Variants in FN1 observed in about 807,000 individuals in gnomAD.
The protein encoded by FN1 is fibronectin 1.
Under a neutral mutation model 297.3 loss-of-function variants are expected in FN1, and 106 were observed. The ratio of observed to expected loss-of-function variants is 0.36; its 90% CI spans 0.30 to 0.42. FN1 has a LOEUF of 0.42. Ranked by LOEUF, FN1 falls within the 10% of genes least tolerant of loss-of-function variation. The pLI is 1.00. For synonymous variants in FN1, 1,149 were observed against 1,152.6 expected, an observed-to-expected ratio of 1.00 and a Z score of 0.06; for missense variants, 2,690 against 3,124.9, an observed-to-expected ratio of 0.86 and a Z score of 3.32.
intron 19 of FN1, among the ~76,000 whole-genome samples, chr2:215,404,895 C>T (rs941585682): frequency 6.6e-6 from 1 of 152,114 alleles, no homozygotes; most frequent in African/African-American, 2.4e-5. Context: ...TTTGGGAAGT[C>T]TAATTTTCCA....
chr2:215,381,456 T>A, intron 32 of FN1: 3 of 327,926 alleles, frequency 9.1e-6, no homozygotes, highest in South Asian at 8.3e-5. Flanking sequence ...AATGTCAGAT[T>A]CAAATTGTTA....
intron 31 of FN1, among the ~76,000 whole-genome samples, chr2:215,382,960 C>T (rs2058414414): frequency 1.3e-5 from 2 of 151,844 alleles, no homozygotes; most frequent in Non-Finnish European, 2.9e-5. Flanking sequence ...ATTAGGTGGT[C>T]CTACCCCATC....
intron 11 of FN1, among the ~76,000 whole-genome samples, 155 bp downstream of exon 11, chr2:215,420,518 C>T (rs1055063191): frequency 6.6e-6 from 1 of 152,034 alleles, no homozygotes; most frequent in East Asian, 1.9e-4. Context: ...TATTTTGGTC[C>T]AGTATTAGAG....
intron 6 of FN1, among the ~76,000 whole-genome samples, chr2:215,426,248 A>C (rs959776438): frequency 3.5e-5 from 5 of 143,302 alleles, no homozygotes; most frequent in African/African-American, 1.3e-4. Context: ...TCCCGGGTTC[A>C]CGCCATTCTC....
intron 22 of FN1, 100 bp downstream of exon 22, chr2:215,397,580 T>C (rs1575534704): frequency 5.9e-6 from 5 of 852,426 alleles, no homozygotes; most frequent in Non-Finnish European, 7.6e-6. Context: ...ATATCTCCCC[T>C]GTGCCATTCT....
chr2:215,418,860 T>C (rs1419731138), intron 12 of FN1, among the ~76,000 whole-genome samples: 1 of 152,228 alleles, frequency 6.6e-6, no homozygotes, highest in African/African-American at 2.4e-5. Context: ...ATGCCATCTC[T>C]CTATGCAGCT....
chr2:215,370,123 G>A (rs1307575409), intron 41 of FN1, among the ~76,000 whole-genome samples, 171 bp downstream of exon 41: 1 of 152,188 alleles, frequency 6.6e-6, no homozygotes, highest in Non-Finnish European at 1.5e-5. Context: ...ATGGCAGGAG[G>A]TGGGGGAGAG....
intron 3 of FN1, 113 bp downstream of exon 3, chr2:215,433,211 G>T: frequency 7.3e-7 from 1 of 1,365,830 alleles, no homozygotes; most frequent in Non-Finnish European, 1.0e-6. Flanking sequence ...GTCACCAGGG[G>T]CAAACCTCAA....
chr2:215,362,489 CAG>C (rs2053661803), intron 44 of FN1: 1 of 251,154 alleles, frequency 4.0e-6, no homozygotes. Flanking sequence ...GGTAAGGAAA[CAG>C]AGACCCAGAG....
chr2:215,383,438 T>C lies in FN1; in HGVS notation c.4940A>G (p.Asn1647Ser), dbSNP rs1202048453. The change falls in exon 31 of 46, where the codon AAC becomes AGC. Residue 1647 changes from asparagine to serine, a missense_variant. This residue lies in a region of FN1 where 1,743 missense variants were observed against 1,945.2 expected (regional missense o/e 0.90). Transcript: ENST00000354785. ...AGGCAGCCACTTGACACTAATGCTG[T>C]TGTCCTGAACATCGGTCACTTGCAT... ...SQMQVTDVQD[N>S]SISVKWLPSS... 6.2e-7 allele frequency: 1 copy of C among 1,614,022 alleles called. No individual in the cohort carries two copies. The highest frequency in any genetic ancestry group is 1.7e-5 in the Admixed American group (1 of 59,996).
intron 32 of FN1, 68 bp from the exon 33 acceptor site, chr2:215,381,148 T>C: frequency 1.8e-5 from 28 of 1,518,380 alleles, no homozygotes; most frequent in Non-Finnish European, 2.6e-5. Flanking sequence ...TTTTATAACA[T>C]GCAAAGCAGT....
At chr2:215,375,778 A>C (rs1559362464) in intron 36 of FN1, 60 bp from the exon 37 acceptor site, 3 of 1,109,534 alleles carry the variant, frequency 2.7e-6, no homozygotes, top group Non-Finnish European at 2.8e-6. Context: ...AGAATTCTCA[A>C]GCTAGCCTGC....
At position 215,419,361 on chromosome 2, in the gene FN1, C is replaced by T. The variant is rs1233319257; in HGVS notation, c.1700G>A (p.Gly567Glu). The change falls in exon 12 of 46, where the codon GGG becomes GAG. Residue 567 changes from glycine (G) to glutamate (E), a missense_variant. This residue lies in a region of FN1 where 876 missense variants were observed against 1,058.1 expected (regional missense o/e 0.83). Coordinates refer to ENST00000354785, the MANE Select transcript of FN1 (RefSeq NM_212482.4). ...TGAATCTCCAATTTGATAAAACGTC[C>T]CAGTCTCTGAATCCTGGCATTGGTC... ...PVDQCQDSETGTFYQIGDSWE... is the reference protein window; with the variant it reads ...PVDQCQDSETETFYQIGDSWE... 3 of 1,613,332 alleles carry T rather than the reference C, an allele frequency of 1.9e-6. No homozygotes were observed. Among genetic ancestry groups the T allele is most frequent in the Middle Eastern group, 1.7e-4 (1 of 6,060 alleles).
intron 18 of FN1, 150 bp downstream of exon 18, chr2:215,406,977 T>TA: frequency 1.4e-6 from 1 of 699,932 alleles, no homozygotes; most frequent in Non-Finnish European, 2.5e-6. Flanking sequence ...ATAAGTTACT[T>TA]ATGACATTTC....
Position 215,391,710 on chromosome 2 carries a change from G to T in FN1, c.4174C>A (p.Arg1392Ser). ...TCCTCATTTTTCACAGGTGAGTAAC[G>T]CACCAGGAAGTTGGTTAAATCAATG... ...PSIDLTNFLV[R>S]YSPVKNEEDV... The change falls in exon 26 of 46, where the codon CGT (arginine) becomes AGT (serine). Residue 1392 changes from arginine (R) to serine (S), a missense_variant. This residue lies in a region of FN1 where 1,743 missense variants were observed against 1,945.2 expected (regional missense o/e 0.90). Coordinates refer to ENST00000354785, the MANE Select transcript of FN1 (RefSeq NM_212482.4). 3 of 1,613,970 alleles carry T rather than the reference G, an allele frequency of 1.9e-6. No homozygotes were observed. Among genetic ancestry groups the T allele is most frequent in the Non-Finnish European group, 2.5e-6 (3 of 1,179,860 alleles).
At chr2:215,418,038 T>C (rs1008801082) in intron 12 of FN1, among the ~76,000 whole-genome samples, 1 of 152,176 alleles carries the variant, frequency 6.6e-6, no homozygotes, top group African/African-American at 2.4e-5. Flanking sequence ...CATATACTTA[T>C]AGTACTTCCA....
intron 41 of FN1, 95 bp from the exon 42 acceptor site, chr2:215,368,122 T>C (rs2055029852): frequency 2.3e-6 from 3 of 1,297,438 alleles, no homozygotes; most frequent in Non-Finnish European, 2.2e-6. Flanking sequence ...AATGACTTAA[T>C]CTAAAACAAG....
Position 215,380,924 on chromosome 2 carries a change from TCAC to T in FN1, c.5318_5320del (p.Gly1773del). 6.2e-7 allele frequency: 1 copy of T among 1,614,224 alleles called. No individual in the cohort carries two copies. The highest frequency in any genetic ancestry group is 1.6e-4 in the Middle Eastern group (1 of 6,062). ...GCCTTGCAGCTCTGCAGTGTCTTCT[TCAC>T]CATCAGGTGCAGGGAATAGCTCATG... On this transcript the variant is annotated inframe_deletion, in exon 33 of 46. Transcript: ENST00000354785.
Position 215,371,916 on chromosome 2 carries a change from G to T in FN1, c.6707C>A (p.Pro2236His), listed in dbSNP as rs144536753. 41 of 1,611,710 alleles carry T rather than the reference G, an allele frequency of 2.5e-5. No individual in the cohort carries two copies. Among genetic ancestry groups the T allele is most frequent in the South Asian group, 1.9e-4 (17 of 91,046 alleles). The change falls in exon 40 of 46, where the codon CCC becomes CAC. Residue 2236 changes from proline to histidine, a missense_variant. Transcript: ENST00000354785. ...SCHPVGTDEEPLQFRVPGTST... is the reference protein window; with the variant it reads ...SCHPVGTDEEHLQFRVPGTST... Reference sequence around the variant, plus strand: ...AAGAGAACAATTAATTACCTGTAAGGGTTCTTCATCAGTGCCAACAGGATG... The same window carrying T: ...AAGAGAACAATTAATTACCTGTAAGTGTTCTTCATCAGTGCCAACAGGATG...
Sources: gnomAD v4.1 joint callset for allele counts (sites outside exome capture counted in the v4.1 genomes callset) on GRCh38, gnomAD v4.1.1 for gene constraint, gnomAD v4.1.1 regional missense constraint, MANE v1.5 for transcripts, NCBI Gene and HGNC (gene_info 2026-07-23, HGNC 2026-07-21) for gene names.